Variants in POFUT3 observed in about 807,000 individuals in gnomAD.
POFUT3 encodes the protein GDP-fucose protein O-fucosyltransferase 3.
chr8:33,434,779 T>C, the POFUT3 span, among the ~76,000 whole-genome samples: 1 of 152,106 alleles, frequency 6.6e-6, no homozygotes, highest in African/African-American at 2.4e-5. Flanking sequence ...CCTCCACCCC[T>C]GCTAAAGCCA....
At chr8:33,321,128 C>T in the POFUT3 span, among the ~76,000 whole-genome samples, 79 of 152,184 alleles carry the variant, frequency 5.2e-4, no homozygotes, top group Middle Eastern at 6.8e-3. Flanking sequence ...GTATGAAAGT[C>T]CAGAATCTCA....
the POFUT3 span, among the ~76,000 whole-genome samples, chr8:33,434,031 A>C: frequency 6.6e-6 from 1 of 151,352 alleles, no homozygotes; most frequent in African/African-American, 2.4e-5. Flanking sequence ...TGGGAGGCCG[A>C]GGCAGGCAGA....
the POFUT3 span, among the ~76,000 whole-genome samples, chr8:33,406,712 T>C: frequency 6.6e-6 from 1 of 152,014 alleles, no homozygotes; most frequent in South Asian, 2.1e-4. Flanking sequence ...ACTGCAGGTA[T>C]GCACCACCAC....
chr8:33,462,722 G>C, the POFUT3 span, among the ~76,000 whole-genome samples: 1 of 152,064 alleles, frequency 6.6e-6, no homozygotes, highest in Non-Finnish European at 1.5e-5. Flanking sequence ...TTGTGCCCAG[G>C]AGTTTGAGAC....
the POFUT3 span, among the ~76,000 whole-genome samples, chr8:33,457,488 T>C: frequency 6.6e-6 from 1 of 151,368 alleles, no homozygotes; most frequent in East Asian, 1.9e-4. Flanking sequence ...AGAGGAAGAC[T>C]CCATCTCAAA....
At chr8:33,340,865 C>G in the POFUT3 span, among the ~76,000 whole-genome samples, 1 of 152,166 alleles carries the variant, frequency 6.6e-6, no homozygotes, top group East Asian at 1.9e-4. Flanking sequence ...CTTTTCTCAA[C>G]AGTTGACAGA....
the POFUT3 span, among the ~76,000 whole-genome samples, chr8:33,344,205 T>C: frequency 1.8e-4 from 28 of 152,130 alleles, no homozygotes; most frequent in Admixed American, 4.6e-4. Flanking sequence ...TTTTCTCCTA[T>C]TTAAAAAAAT....
chr8:33,348,441 C>A, the POFUT3 span, among the ~76,000 whole-genome samples: 6 of 152,264 alleles, frequency 3.9e-5, no homozygotes, highest in Admixed American at 2.0e-4. Context: ...GTGTGTCCTT[C>A]CTTTTTCCTT....
At chr8:33,425,194 C>A in the POFUT3 span, among the ~76,000 whole-genome samples, 2 of 151,792 alleles carry the variant, frequency 1.3e-5, no homozygotes, top group Non-Finnish European at 2.9e-5. Flanking sequence ...TTAATTAGGT[C>A]ATGGTGGTAC....
the POFUT3 span, among the ~76,000 whole-genome samples, chr8:33,464,880 A>G: frequency 3.9e-5 from 6 of 152,362 alleles, no homozygotes; most frequent in Middle Eastern, 3.4e-3. Context: ...AAACATATGT[A>G]GTACAGTTGT....
At chr8:33,468,866 G>A in the POFUT3 span, among the ~76,000 whole-genome samples, 1 of 152,108 alleles carries the variant, frequency 6.6e-6, no homozygotes, top group Non-Finnish European at 1.5e-5. Context: ...TTAGAAAACA[G>A]GGAGCTCTGG....
chr8:33,463,039 G>T, the POFUT3 span, among the ~76,000 whole-genome samples: 1 of 152,258 alleles, frequency 6.6e-6, no homozygotes, highest in East Asian at 1.9e-4. Flanking sequence ...GCTCAGAGTG[G>T]AGGAAGGGTC....
At chr8:33,314,503 C>T in the POFUT3 span, among the ~76,000 whole-genome samples, 1 of 152,138 alleles carries the variant, frequency 6.6e-6, no homozygotes, top group African/African-American at 2.4e-5. Context: ...CTCTGTTTCC[C>T]CTCTGTTAAA....
At chr8:33,315,698 A>T in the POFUT3 span, among the ~76,000 whole-genome samples, 1 of 152,138 alleles carries the variant, frequency 6.6e-6, no homozygotes, top group Non-Finnish European at 1.5e-5. Context: ...CTGTTCCTGG[A>T]GGACATCTGC....
At chr8:33,312,256 C>T in the POFUT3 span, among the ~76,000 whole-genome samples, 4 of 121,948 alleles carry the variant, frequency 3.3e-5, no homozygotes, top group South Asian at 3.5e-4. Context: ...AGCAAGACTC[C>T]GTCTCAAAAA....
At chr8:33,437,695 C>A in the POFUT3 span, among the ~76,000 whole-genome samples, 1 of 152,118 alleles carries the variant, frequency 6.6e-6, no homozygotes, top group African/African-American at 2.4e-5. Flanking sequence ...CCTGTAGTCC[C>A]AGCTACTTGG....
chr8:33,433,336 C>A, the POFUT3 span, among the ~76,000 whole-genome samples: 2 of 152,070 alleles, frequency 1.3e-5, no homozygotes, highest in Non-Finnish European at 2.9e-5. Flanking sequence ...TGAGGCTGGG[C>A]GCAGTGGCTC....
the POFUT3 span, among the ~76,000 whole-genome samples, chr8:33,345,141 G>A: frequency 6.6e-6 from 1 of 152,158 alleles, no homozygotes; most frequent in Non-Finnish European, 1.5e-5. Flanking sequence ...AGTTGGTTCA[G>A]GAGAGAGGAC....
At chr8:33,348,866 A>G in the POFUT3 span, among the ~76,000 whole-genome samples, 1 of 152,230 alleles carries the variant, frequency 6.6e-6, no homozygotes. Flanking sequence ...GACAAGGGCT[A>G]TATCAGAAAG....
Sources: allele counts gnomAD v4.1 joint callset (sites outside exome capture counted in the v4.1 genomes callset), GRCh38; gene constraint gnomAD v4.1.1; transcripts MANE v1.5; gene names NCBI Gene and HGNC (gene_info 2026-07-23, HGNC 2026-07-21).